PPARGC1B: variants seen among roughly 807,000 people sequenced by gnomAD.
The protein encoded by PPARGC1B is peroxisome proliferator-activated receptor gamma coactivator 1-beta.
In PPARGC1B, 34 loss-of-function variants were observed where a neutral mutation model predicts 101.6. That is an observed-to-expected ratio of 0.33 (90% CI 0.25 to 0.45). The LOEUF is 0.45. Among genes scored for constraint, PPARGC1B ranks in the 20% least tolerant of loss-of-function variants. The pLI, the probability that PPARGC1B is intolerant of heterozygous loss-of-function variation, is 1.00. For synonymous variants in PPARGC1B, 548 were observed against 539.3 expected, an observed-to-expected ratio of 1.02 and a Z score of -0.22; for missense variants, 1,234 against 1,317.6, an observed-to-expected ratio of 0.94 and a Z score of 0.98.
intron 5 of PPARGC1B, among the ~76,000 whole-genome samples, chr5:149,834,231 C>T (rs1581113112): frequency 6.6e-6 from 1 of 152,210 alleles, no homozygotes; most frequent in African/African-American, 2.4e-5. Context: ...TGGCACTGGT[C>T]TCAGATGAAC....
At chr5:149,811,899 A>G (rs1293004682) in intron 1 of PPARGC1B, among the ~76,000 whole-genome samples, 1 of 152,156 alleles carries the variant, frequency 6.6e-6, no homozygotes, top group Non-Finnish European at 1.5e-5. Flanking sequence ...TGGGCTTCTT[A>G]CTGGTTGGCT....
chr5:149,752,286 T>G (rs1387062228), intron 1 of PPARGC1B, among the ~76,000 whole-genome samples: 2 of 152,252 alleles, frequency 1.3e-5, no homozygotes, highest in Non-Finnish European at 2.9e-5. Flanking sequence ...CTTCCTGATT[T>G]AGAATCTATT....
At position 149,845,871 on chromosome 5, in the gene PPARGC1B, C is replaced by T. The variant is rs146674370; in HGVS notation, c.2928C>T (p.Tyr976=). The T allele has an allele frequency of 3.1e-4, 505 of 1,614,260 alleles. No individual in the cohort carries two copies. Among genetic ancestry groups the T allele is most frequent in the Non-Finnish European group, 4.0e-4 (477 of 1,180,044 alleles). The part of the protein sequence containing the change: ...KRNEPSFQLS[Y]GGLRHFCWPR... ...ACGAGCCCTCCTTCCAGCTGAGCTA[C>T]GGAGGGCTCCGGCACTTCTGCTGGC... Residue 976 remains tyrosine (Y), a synonymous_variant, in exon 11 of 12, where the codon TAC becomes TAT. Transcript: ENST00000309241.
intron 1 of PPARGC1B, among the ~76,000 whole-genome samples, chr5:149,799,442 A>G (rs1581066796): frequency 1.3e-5 from 2 of 152,126 alleles, no homozygotes; most frequent in African/African-American, 4.8e-5. Context: ...ATAGTTATTC[A>G]TTCACCAGGG....
At chr5:149,846,010 A>T in intron 11 of PPARGC1B, 96 bp downstream of exon 11, 1 of 1,470,084 alleles carries the variant, frequency 6.8e-7, no homozygotes, top group Non-Finnish European at 9.5e-7. Flanking sequence ...CGCCTTGTGG[A>T]CATAGCTTCC....
At chr5:149,820,759 G>T (rs1561585794) in intron 2 of PPARGC1B, among the ~76,000 whole-genome samples, 153 bp downstream of exon 2, 1 of 152,128 alleles carries the variant, frequency 6.6e-6, no homozygotes, top group African/African-American at 2.4e-5. Flanking sequence ...TCTCGTGCTG[G>T]ATGGGCCCCT....
intron 1 of PPARGC1B, among the ~76,000 whole-genome samples, chr5:149,757,631 G>A (rs1470960842): frequency 6.6e-6 from 1 of 152,176 alleles, no homozygotes; most frequent in Non-Finnish European, 1.5e-5. Flanking sequence ...AGCCACCATC[G>A]ACACAAAGTC....
At chr5:149,827,101 C>A (rs1407768481) in intron 3 of PPARGC1B, among the ~76,000 whole-genome samples, 3 of 152,274 alleles carry the variant, frequency 2.0e-5, no homozygotes, top group Non-Finnish European at 4.4e-5. Context: ...AGAGGCTTCA[C>A]CTGCATTCTC....
rs1199839991 is a variant in PPARGC1B at position 149,755,052 on chromosome 5, C to CATATATATATATATAT, written c.78+24638_78+24653dup. ...TACACTACATATACATATACATATA[C>CATATATATATATATAT]ATATATATATATATATATATAATTT... is the stretch of plus-strand genomic sequence containing the variant. On this transcript the variant is annotated intron_variant, in intron 1 of 11. Coordinates refer to ENST00000309241, the MANE Select transcript of PPARGC1B (RefSeq NM_133263.4). Among the ~76,000 whole-genome samples the CATATATATATATATAT allele has an allele frequency of 3.5e-3, 385 of 108,880 alleles. 2 individuals carry two copies. The highest frequency in any genetic ancestry group is 8.1e-3 in the African/African-American group (215 of 26,562). 71.4% of individuals were successfully genotyped at this position (108,880 alleles called of 152,430 possible).
chr5:149,832,794 C>A lies in PPARGC1B; in HGVS notation c.721C>A (p.Arg241=). ...GCAGCCACCATGCCTCCAGAGTCCC[C>A]GGCTCCCTGCCAAGGAGGACAAGGA... ...GLQPPCLQSP[R]LPAKEDKEPG... Residue 241 remains arginine (R), a synonymous_variant, in exon 5 of 12, where the codon CGG becomes AGG. Transcript: ENST00000309241. The surrounding 1 kb of genome is among the most constrained non-coding windows in gnomAD (Gnocchi z 4.9). 6.2e-7 allele frequency: 1 copy of A among 1,612,966 alleles called. No individual in the cohort carries two copies. The highest frequency in any genetic ancestry group is 8.5e-7 in the Non-Finnish European group (1 of 1,179,510).
chr5:149,761,508 CAGAG>C (rs1755716901), intron 1 of PPARGC1B: 1 of 152,180 alleles, frequency 6.6e-6, no homozygotes, highest in Non-Finnish European at 1.5e-5. Context: ...ATCAAGATCT[CAGAG>C]AGATCTGCAC....
intron 1 of PPARGC1B, among the ~76,000 whole-genome samples, chr5:149,792,908 A>T (rs1274679892): frequency 1.3e-5 from 2 of 151,706 alleles, no homozygotes; most frequent in Non-Finnish European, 2.9e-5. Context: ...ACTTCTACCC[A>T]CTGGAGTCTC....
chr5:149,829,410 T>C (rs1427642480), intron 3 of PPARGC1B, among the ~76,000 whole-genome samples: 1 of 152,042 alleles, frequency 6.6e-6, no homozygotes, highest in Non-Finnish European at 1.5e-5. Context: ...TTAGGTGGGG[T>C]AGCCAGGATC....
intron 1 of PPARGC1B, among the ~76,000 whole-genome samples, chr5:149,750,327 C>G (rs1288178755): frequency 1.3e-5 from 2 of 151,744 alleles, no homozygotes; most frequent in African/African-American, 4.8e-5. Flanking sequence ...TCAAAATCCT[C>G]TACTGACAGA....
intron 1 of PPARGC1B, among the ~76,000 whole-genome samples, chr5:149,784,560 C>CTTTTTTTGTTTTTTTTTTTTTTTTTT (rs1204928127): frequency 2.6e-5 from 2 of 75,716 alleles, no homozygotes; most frequent in Admixed American, 2.0e-4. Flanking sequence ...AACTGAGTTT[C>CTTTTTTTGTTTTTTTTTTTTTTTTTT]TTTTTTTTTT....
At chr5:149,785,890 G>A (rs1020501059) in intron 1 of PPARGC1B, among the ~76,000 whole-genome samples, 7 of 151,710 alleles carry the variant, frequency 4.6e-5, no homozygotes, top group Non-Finnish European at 8.8e-5. Flanking sequence ...AAGGCAAGCT[G>A]AGGGCTGAAC....
intron 1 of PPARGC1B, among the ~76,000 whole-genome samples, chr5:149,741,838 T>C (rs1356830424): frequency 6.6e-6 from 1 of 152,004 alleles, no homozygotes; most frequent in Non-Finnish European, 1.5e-5. Context: ...CCATGTTGGC[T>C]AGGCTGGTCT....
rs971312638 is a variant in PPARGC1B at position 149,836,469 on chromosome 5, A to G, written c.2014A>G (p.Thr672Ala). The change falls in exon 8 of 12, where the codon ACA becomes GCA. Residue 672 changes from threonine (T) to alanine (A), a missense_variant. By Grantham distance (58) the Thr-to-Ala change is moderately conservative. Coordinates refer to ENST00000309241, the MANE Select transcript of PPARGC1B (RefSeq NM_133263.4). ...SELLSHLRHA[T>A]AQPASQAGQK... ...GCTCCTGTCCCACCTGCGACATGCC[A>G]CAGCCCAGCCAGCCTCCCAGGCTGG... The G allele has an allele frequency of 3.1e-6, 5 of 1,613,876 alleles. No homozygotes were observed. Among genetic ancestry groups the G allele is most frequent in the Middle Eastern group, 1.6e-4 (1 of 6,084 alleles).
At position 149,832,958 on chromosome 5, in the gene PPARGC1B, C is replaced by A; in HGVS notation, c.885C>A (p.His295Gln). 1 of 1,613,254 alleles carries A rather than the reference C, an allele frequency of 6.2e-7. No individual in the cohort carries two copies. The highest frequency in any genetic ancestry group is 8.5e-7 in the Non-Finnish European group (1 of 1,180,018). The change falls in exon 5 of 12, where the codon CAC (histidine) becomes CAA (glutamine). Residue 295 changes from histidine to glutamine, a missense_variant. His to Gln is a conservative substitution (Grantham distance 24, BLOSUM62 0). This residue lies in a region of PPARGC1B where 734 missense variants were observed against 768.4 expected (regional missense o/e 0.96). Transcript: ENST00000309241. This position sits in a 1 kb window ranked among gnomAD's most constrained non-coding sequence, Gnocchi z 4.9. Reference protein sequence around the residue: ...QAMVQLIRYMHTYCLPQRKLP... With the variant: ...QAMVQLIRYMQTYCLPQRKLP... The stretch of plus-strand genomic sequence containing the variant: ...TGGTGCAACTCATACGCTACATGCA[C>A]ACCTACTGCCTCCCCCAGAGGAAGC...
Sources: gnomAD v4.1 joint callset for allele counts (sites outside exome capture counted in the v4.1 genomes callset) on GRCh38, gnomAD v4.1.1 for gene constraint, gnomAD v4.1.1 regional missense constraint, Gnocchi (gnomAD v3.1) non-coding constraint, MANE v1.5 for transcripts, NCBI Gene and HGNC (gene_info 2026-07-23, HGNC 2026-07-21) for gene names.